The following MARS1 variants were observed in gnomAD, a reference collection of about 807,000 sequenced individuals.
MARS1 encodes methionyl-tRNA synthetase 1.
Under a neutral mutation model 119.5 loss-of-function variants are expected in MARS1, and 80 were observed. That is an observed-to-expected ratio of 0.67 (90% CI 0.56 to 0.81). The LOEUF (loss-of-function observed/expected upper bound fraction) is 0.81, where lower values mean the gene tolerates loss of function less well. Ranked by LOEUF, MARS1 falls within the 30% of genes least tolerant of loss-of-function variation. MARS1 has a pLI of 0.00. For missense variants in MARS1, 945 were observed against 1,116.5 expected (o/e 0.85, Z 2.19); for synonymous variants, 418 against 433.4 (o/e 0.96, Z 0.44).
At chr12:57,496,473 A>C (rs1876639500) in intron 7 of MARS1, among the ~76,000 whole-genome samples, 2 of 151,990 alleles carry the variant, frequency 1.3e-5, no homozygotes. Context: ...AATACTAAGC[A>C]CTTTCAAGGC....
At chr12:57,492,669 T>TCACACACACACACACA (rs58931225) in intron 7 of MARS1, among the ~76,000 whole-genome samples, 3 of 139,446 alleles carry the variant, frequency 2.2e-5, no homozygotes, top group African/African-American at 5.3e-5. Context: ...CGACTCCATT[T>TCACACACACACACACA]CACACACACA....
At chr12:57,500,573 A>G in intron 10 of MARS1, 51 bp downstream of exon 10, 1 of 1,549,916 alleles carries the variant, frequency 6.5e-7, no homozygotes. Context: ...CCTTATTCTT[A>G]AGGGACGCCC....
intron 5 of MARS1, 46 bp from the exon 6 acceptor site, chr12:57,490,161 A>G (rs1026416468): frequency 4.4e-6 from 7 of 1,585,092 alleles, no homozygotes; most frequent in African/African-American, 4.1e-5. Flanking sequence ...GCTCCTGCCT[A>G]CCAGGTCCTT....
At chr12:57,489,608 T>C (rs1278887497) in intron 4 of MARS1, 50 bp downstream of exon 4, 18 of 1,610,412 alleles carry the variant, frequency 1.1e-5, no homozygotes, top group Admixed American at 1.7e-5. Context: ...GGTGTAAGGA[T>C]TAAGAGGGAA....
rs750422474 is a variant in MARS1, at chr12:57,514,791, G to A, written c.2039G>A (p.Arg680His). 1.2e-5 allele frequency: 19 copies of A among 1,614,040 alleles called. No homozygotes were observed. The highest frequency in any genetic ancestry group is 2.7e-5 in the African/African-American group (2 of 74,910). ...PEMVLTPDDQ[R>H]LLAHVTLELQ... ...ATGGTGCTCACCCCTGATGATCAGC[G>A]CCTGCTGGCCCATGTCACCCTGGAG... The change falls in exon 16 of 21, where the codon CGC (arginine) becomes CAC (histidine). Residue 680 changes from arginine (R) to histidine (H), a missense_variant. Coordinates refer to ENST00000262027, the MANE Select transcript of MARS1 (RefSeq NM_004990.4).
intron 11 of MARS1, among the ~76,000 whole-genome samples, chr12:57,507,429 C>T (rs1273365531): frequency 1.2e-4 from 9 of 76,048 alleles, no homozygotes; most frequent in African/African-American, 1.8e-4. Flanking sequence ...TAGGGGTGGC[C>T]GGGCAGAGGC....
Position 57,498,456 on chromosome 12 carries a change from G to A in MARS1, c.924G>A (p.Leu308=). Residue 308 remains leucine, a synonymous_variant, in exon 9 of 21, where the codon CTG becomes CTA. Transcript: ENST00000262027. ...SRLRQWNTLY[L]CGTDEYGTAT... ...TCCGCCAGTGGAACACCCTCTATCTGTGTGGGACAGATGAGTATGGTACAG... is the reference window on the plus strand; with the variant it reads ...TCCGCCAGTGGAACACCCTCTATCTATGTGGGACAGATGAGTATGGTACAG... The A allele has an allele frequency of 1.2e-6, 2 of 1,614,168 alleles. No homozygotes were observed. The highest frequency in any genetic ancestry group is 1.1e-5 in the South Asian group (1 of 91,086).
At chr12:57,513,975 A>G (rs1326183845) in intron 15 of MARS1, among the ~76,000 whole-genome samples, 6 of 150,652 alleles carry the variant, frequency 4.0e-5, no homozygotes, top group Admixed American at 4.0e-4. Flanking sequence ...AGGCAGGAGA[A>G]TCACTTGAAC....
intron 18 of MARS1, among the ~76,000 whole-genome samples, chr12:57,515,714 G>A (rs894243520): frequency 1.3e-5 from 2 of 152,206 alleles, no homozygotes; most frequent in Non-Finnish European, 2.9e-5. Flanking sequence ...TCCTTAGAGA[G>A]CTTAAAGAAT....
At chr12:57,505,195 CT>C (rs1877126466) in intron 11 of MARS1, among the ~76,000 whole-genome samples, 1 of 149,738 alleles carries the variant, frequency 6.7e-6, no homozygotes. Flanking sequence ...GAGCTTCTCT[CT>C]TGTTGCCCAC....
chr12:57,493,785 TATATTATATA>T (rs1876351087), intron 7 of MARS1, among the ~76,000 whole-genome samples: 2 of 886 alleles, frequency 2.3e-3, no homozygotes, highest in African/African-American at 3.7e-3. Flanking sequence ...ATATATATTA[TATATTATATA>T]TTATATTATA....
chr12:57,512,137 G>A, intron 13 of MARS1, 34 bp downstream of exon 13: 3 of 1,608,396 alleles, frequency 1.9e-6, no homozygotes, highest in Non-Finnish European at 2.6e-6. Flanking sequence ...TGCATGGGGA[G>A]GGTAGGCGGT....
In MARS1 at chr12:57,499,595, C is replaced by G. The variant is rs1876819110; in HGVS notation, c.1092-726C>G. On this transcript the variant is annotated intron_variant, in intron 9 of 20. Transcript: ENST00000262027. The stretch of plus-strand genomic sequence containing the variant: ...CTTCAGACTTGGTGACGGAGTGAGA[C>G]TGTCTCAAAAAAAAAAAAAAAAGGG... Among the ~76,000 whole-genome samples, 3 of 116,242 alleles carry G rather than the reference C, an allele frequency of 2.6e-5. No homozygotes were observed. In the South Asian group the frequency reaches 8.3e-4, roughly 32 times the overall value. The allele number at this position is 116,242 out of a possible 152,430, so 76.3% of individuals were successfully genotyped here.
chr12:57,500,303 C>T lies in MARS1; in HGVS notation c.1092-18C>T, dbSNP rs747851443. 2 of 1,612,214 alleles carry T rather than the reference C, an allele frequency of 1.2e-6. No homozygotes were observed. Among genetic ancestry groups the T allele is most frequent in the Non-Finnish European group, 8.5e-7 (1 of 1,178,458 alleles). On this transcript the variant is annotated intron_variant, in intron 9 of 20. Transcript: ENST00000262027. ...GTCTTCTGACTGTCTCTTCCTGATC[C>T]CTGGCCCACCTCACCAGAATCACCC...
intron 10 of MARS1, among the ~76,000 whole-genome samples, chr12:57,501,153 G>A (rs1876898586): frequency 1.3e-5 from 2 of 152,186 alleles, no homozygotes; most frequent in African/African-American, 2.4e-5. Flanking sequence ...TGTTCTAAGC[G>A]GAAGGACTAG....
At chr12:57,502,711 AAAAAAAAAAAAGCAACAACAAC>A (rs1463830654) in intron 10 of MARS1, among the ~76,000 whole-genome samples, 60 of 144,992 alleles carry the variant, frequency 4.1e-4, no homozygotes, top group Middle Eastern at 3.9e-3. Context: ...GTCTCAAAAA[AAAAAAAAAAAAGCAACAACAAC>A]AAAAAAAAAA....
chr12:57,509,319 C>A (rs1273485307), intron 11 of MARS1, among the ~76,000 whole-genome samples: 1 of 152,178 alleles, frequency 6.6e-6, no homozygotes, highest in East Asian at 1.9e-4. Flanking sequence ...GTATTAGATA[C>A]CAAAATCTAG....
chr12:57,498,443 A>C lies in MARS1; in HGVS notation c.911A>C (p.Asn304Thr). The C allele has an allele frequency of 6.2e-7, 1 of 1,614,010 alleles. No individual in the cohort carries two copies. Reference sequence around the variant, plus strand: ...AGGTACTCTCGCCTCCGCCAGTGGAACACCCTCTATCTGTGTGGGACAGAT... The same window carrying C: ...AGGTACTCTCGCCTCCGCCAGTGGACCACCCTCTATCTGTGTGGGACAGAT... ...FARYSRLRQWNTLYLCGTDEY... is the reference protein window; with the variant it reads ...FARYSRLRQWTTLYLCGTDEY... Residue 304 changes from asparagine (N) to threonine (T), a missense_variant, in exon 9 of 21, where the codon AAC (asparagine) becomes ACC (threonine). Asn to Thr is a moderately conservative substitution (Grantham distance 65, BLOSUM62 0). Coordinates refer to ENST00000262027, the MANE Select transcript of MARS1 (RefSeq NM_004990.4).
At chr12:57,507,249 C>T (rs1236446504) in intron 11 of MARS1, among the ~76,000 whole-genome samples, 21 of 149,856 alleles carry the variant, frequency 1.4e-4, no homozygotes, top group East Asian at 3.9e-4. Flanking sequence ...CCATGTCTAC[C>T]TCTTTCTACA....
Sources: allele counts gnomAD v4.1 joint callset (sites outside exome capture counted in the v4.1 genomes callset), GRCh38; gene constraint gnomAD v4.1.1; transcripts MANE v1.5; gene names NCBI Gene and HGNC (gene_info 2026-07-23, HGNC 2026-07-21).